Variants in SNX25 observed in about 807,000 individuals in gnomAD.
SNX25 encodes the protein sorting nexin-25.
In SNX25, 62 loss-of-function variants were observed where a neutral mutation model predicts 113.7. The observed-to-expected ratio is 0.55, with a 90% CI of 0.44 to 0.67. The LOEUF (loss-of-function observed/expected upper bound fraction) is 0.67, where lower values mean the gene tolerates loss of function less well. SNX25 is among the 30% of genes least tolerant of loss of function. SNX25 has a pLI of 0.00. For synonymous variants in SNX25, 421 were observed against 436.2 expected, an observed-to-expected ratio of 0.97 and a Z score of 0.43; for missense variants, 1,014 against 1,161.0, an observed-to-expected ratio of 0.87 and a Z score of 1.84.
intron 7 of SNX25, among the ~76,000 whole-genome samples, chr4:185,314,072 A>G (rs2095051263): frequency 6.6e-6 from 1 of 152,140 alleles, no homozygotes; most frequent in South Asian, 2.1e-4. Flanking sequence ...GCAGATGTGG[A>G]AGAAAACCCT....
upstream of SNX25, among the ~76,000 whole-genome samples, chr4:185,207,077 A>AGT (rs1313825060): frequency 1.4e-4 from 22 of 152,250 alleles, no homozygotes; most frequent in African/African-American, 5.1e-4. Flanking sequence ...TGCCCACATC[A>AGT]AGGGTGGATC....
rs191191368 is a variant in SNX25, at chr4:185,226,356, G to C, written c.429+16101G>C. On this transcript the variant is annotated intron_variant, in intron 1 of 18. Coordinates refer to ENST00000652585, the MANE Select transcript of SNX25 (RefSeq NM_001378034.2). ...CCAAACTGTGATTCATTAACACTTA[G>C]TTCTGGGAGATGCTTTTAGGTACAC... Among the ~76,000 whole-genome samples the C allele has an allele frequency of 5.9e-5, 9 of 152,356 alleles. No individual in the cohort carries two copies. In the East Asian group the frequency reaches 1.7e-3, roughly 29 times the overall value.
intron 5 of SNX25, among the ~76,000 whole-genome samples, chr4:185,285,962 G>A (rs187601325): frequency 0.022 from 3,194 of 143,066 alleles, 52 homozygotes; most frequent in Non-Finnish European, 0.03. Context: ...ATTTTTAGTA[G>A]AGACAGGGTC....
At chr4:185,325,652 G>A (rs919029946) in intron 9 of SNX25, among the ~76,000 whole-genome samples, 2 of 152,080 alleles carry the variant, frequency 1.3e-5, no homozygotes, top group Non-Finnish European at 2.9e-5. Flanking sequence ...TTTTAAATTG[G>A]CTTTGATGAA....
rs533760070 is a variant in SNX25 at position 185,239,903 on chromosome 4, G to C, written c.430-7391G>C. 2.7e-5 allele frequency among the ~76,000 whole-genome samples: 4 copies of C among 149,862 alleles called. No individual in the cohort carries two copies. In the East Asian group the frequency reaches 7.8e-4, roughly 29 times the overall value. ...AAGGTCTCTGGTTTTCCTAGGCAGA[G>C]GACCCTGCGGCCTTCCGCAGTGTTT... On this transcript the variant is annotated intron_variant, in intron 1 of 18. Coordinates refer to ENST00000652585, the MANE Select transcript of SNX25 (RefSeq NM_001378034.2).
chr4:185,343,891 G>A (rs1200316785), intron 12 of SNX25, among the ~76,000 whole-genome samples: 2 of 152,106 alleles, frequency 1.3e-5, no homozygotes, highest in Non-Finnish European at 2.9e-5. Context: ...ATCCATGCTA[G>A]CAAGGGGAGG....
intron 1 of SNX25, among the ~76,000 whole-genome samples, chr4:185,228,420 G>A (rs1741336286): frequency 1.3e-5 from 2 of 152,158 alleles, no homozygotes; most frequent in Non-Finnish European, 2.9e-5. Context: ...CTTCGTGGAG[G>A]TTGGCAGGGA....
At chr4:185,351,395 C>T (rs1331353647) in intron 13 of SNX25, 50 bp from the exon 14 acceptor site, 7 of 1,573,754 alleles carry the variant, frequency 4.4e-6, no homozygotes, top group Non-Finnish European at 6.1e-6. Context: ...AGCTCCCAGC[C>T]ACACAGATAG....
upstream of SNX25, among the ~76,000 whole-genome samples, chr4:185,208,455 C>T (rs756015704): frequency 1.4e-4 from 22 of 152,136 alleles, no homozygotes; most frequent in African/African-American, 4.1e-4. Context: ...TGAGGCCGGG[C>T]GCGGTGGCTT....
At chr4:185,266,036 G>C (rs1748031319) in intron 4 of SNX25, among the ~76,000 whole-genome samples, 1 of 152,192 alleles carries the variant, frequency 6.6e-6, no homozygotes. Context: ...CAGGATAAGA[G>C]AAACTTTCCC....
chr4:185,259,934 C>T (rs1747041210), intron 3 of SNX25, among the ~76,000 whole-genome samples: 1 of 152,256 alleles, frequency 6.6e-6, no homozygotes, highest in Non-Finnish European at 1.5e-5. Flanking sequence ...TTGCCCCTTC[C>T]TGGGACTCTT....
intron 5 of SNX25, among the ~76,000 whole-genome samples, chr4:185,277,556 C>T (rs1385325028): frequency 6.6e-6 from 1 of 151,944 alleles, no homozygotes; most frequent in Non-Finnish European, 1.5e-5. Context: ...CATGACGTCA[C>T]TGAACGTGGA....
intron 6 of SNX25, among the ~76,000 whole-genome samples, chr4:185,301,912 T>G (rs1236300620): frequency 6.8e-6 from 1 of 147,570 alleles, no homozygotes; most frequent in Non-Finnish European, 1.5e-5. Context: ...TTTCTTCTTT[T>G]TTTTTGAGAT....
chr4:185,346,573 C>G lies in SNX25; in HGVS notation c.2224C>G (p.Leu742Val). ...TTTAAAAAAAGTCCAGTTGCCTTCTCTTAGCAAGCTGCCTTTCAAATCTAT... is the reference window on the plus strand; with the variant it reads ...TTTAAAAAAAGTCCAGTTGCCTTCTGTTAGCAAGCTGCCTTTCAAATCTAT... Reference protein sequence around the residue: ...PSLKKVQLPSLSKLPFKSIDQ... With the variant: ...PSLKKVQLPSVSKLPFKSIDQ... Residue 742 changes from leucine (L) to valine (V), a missense_variant, in exon 13 of 19, where the codon CTT (leucine) becomes GTT (valine). Physicochemically the swap from Leu to Val is conservative, Grantham distance 32. Coordinates refer to ENST00000652585, the MANE Select transcript of SNX25 (RefSeq NM_001378034.2). 1 of 1,597,070 alleles carries G rather than the reference C, an allele frequency of 6.3e-7. No individual in the cohort carries two copies. Among genetic ancestry groups the G allele is most frequent in the Admixed American group, 1.8e-5 (1 of 55,168 alleles).
chr4:185,285,448 A>G (rs1751209821), intron 5 of SNX25, among the ~76,000 whole-genome samples: 1 of 152,230 alleles, frequency 6.6e-6, no homozygotes, highest in Non-Finnish European at 1.5e-5. Context: ...ACTTGCTACA[A>G]CAAACATGTA....
At chr4:185,356,611 G>T (rs1294615136) in intron 15 of SNX25, among the ~76,000 whole-genome samples, 2 of 152,110 alleles carry the variant, frequency 1.3e-5, no homozygotes, top group African/African-American at 4.8e-5. Flanking sequence ...ATTAGAAATG[G>T]CTTTAGAGTA....
intron 2 of SNX25, among the ~76,000 whole-genome samples, chr4:185,258,278 T>C (rs1746739226): frequency 6.6e-6 from 1 of 152,170 alleles, no homozygotes; most frequent in Non-Finnish European, 1.5e-5. Context: ...TGGAACTTGC[T>C]GTTGGGGTGA....
chr4:185,264,293 T>C, intron 3 of SNX25, 145 bp from the exon 4 acceptor site: 2 of 767,032 alleles, frequency 2.6e-6, no homozygotes, highest in Non-Finnish European at 4.0e-6. Context: ...TCCAGATGAG[T>C]TGATGGTTGA....
In SNX25 at chr4:185,287,524, TG is replaced by T. The variant is rs370730498; in HGVS notation, c.1092-486del. Among the ~76,000 whole-genome samples the T allele has an allele frequency of 5.0e-3, 763 of 152,320 alleles. 7 individuals carry two copies. Among genetic ancestry groups the T allele is most frequent in the African/African-American group, 0.017 (697 of 41,568 alleles). On this transcript the variant is annotated intron_variant, in intron 5 of 18. Coordinates refer to ENST00000652585, the MANE Select transcript of SNX25 (RefSeq NM_001378034.2). Reference sequence around the variant, plus strand: ...TCTACAGTGAAGAAAATGTTCTACTTGGCACCGCCCGGTGTGGTCCACAAGC... The same window carrying T: ...TCTACAGTGAAGAAAATGTTCTACTTGCACCGCCCGGTGTGGTCCACAAGC...
Sources: gnomAD v4.1 joint callset for allele counts (sites outside exome capture counted in the v4.1 genomes callset) on GRCh38, gnomAD v4.1.1 for gene constraint, MANE v1.5 for transcripts, NCBI Gene and HGNC (gene_info 2026-07-23, HGNC 2026-07-21) for gene names.